DMD: variants seen among roughly 807,000 people sequenced by gnomAD.
DMD encodes dystrophin.
Under a neutral mutation model 330.1 loss-of-function variants are expected in DMD, and 63 were observed. The observed-to-expected ratio is 0.19, with a 90% CI of 0.16 to 0.24. The LOEUF is 0.24. Ranked by LOEUF, DMD falls within the 10% of genes least tolerant of loss-of-function variation. The probability of loss-of-function intolerance (pLI) is 1.00; values close to 1 mark genes in which losing one functional copy is unlikely to be tolerated. For missense variants in DMD, 3,344 were observed against 2,684.1 expected (o/e 1.25, Z -5.43); for synonymous variants, 1,223 against 959.8 (o/e 1.27, Z -5.07).
intron 1 of DMD, among the ~76,000 whole-genome samples, chrX:33,167,732 CT>C (rs1569557146): frequency 3.6e-5 from 4 of 110,554 alleles, no homozygotes; most frequent in Non-Finnish European, 7.6e-5. Flanking sequence ...AATATCATGT[CT>C]AGTAAGAGCA....
At chrX:32,607,992 T>G (rs888146304) in intron 12 of DMD, among the ~76,000 whole-genome samples, 1 of 109,410 alleles carries the variant, frequency 9.1e-6, no homozygotes, top group African/African-American at 3.3e-5. Context: ...AGTAATGAAG[T>G]ATAATAACTA....
chrX:32,336,687 G>A (rs1031252982), intron 41 of DMD, among the ~76,000 whole-genome samples: 2 of 111,743 alleles, frequency 1.8e-5, no homozygotes, highest in East Asian at 5.6e-4. Flanking sequence ...TACATAACCA[G>A]ATTATACATC....
chrX:32,294,761 C>T (rs988980987), intron 42 of DMD, among the ~76,000 whole-genome samples: 2 of 111,106 alleles, frequency 1.8e-5, no homozygotes, highest in Admixed American at 9.6e-5. Flanking sequence ...TGCACATATT[C>T]GTGTCCTCAA....
intron 74 of DMD, among the ~76,000 whole-genome samples, chrX:31,153,649 T>C (rs377076003): frequency 1.8e-5 from 2 of 112,309 alleles, no homozygotes; most frequent in East Asian, 5.6e-4. Flanking sequence ...CCAGGACACA[T>C]TGATTTTGTA....
chrX:31,226,366 A>C (rs1248446341), intron 63 of DMD, among the ~76,000 whole-genome samples: 1 of 112,325 alleles, frequency 8.9e-6, no homozygotes, highest in Non-Finnish European at 1.9e-5. Context: ...TAACTACTAT[A>C]GTCAACTACA....
At chrX:31,239,015 T>C (rs1357242746) in intron 63 of DMD, among the ~76,000 whole-genome samples, 2 of 112,373 alleles carry the variant, frequency 1.8e-5, no homozygotes, top group African/African-American at 6.5e-5. Context: ...CAAAAGTTTT[T>C]TGCTCCCATA....
intron 44 of DMD, among the ~76,000 whole-genome samples, chrX:32,193,420 G>T (rs957248620): frequency 1.8e-5 from 2 of 111,674 alleles, no homozygotes; most frequent in African/African-American, 6.5e-5. Flanking sequence ...GGGATTGGAC[G>T]TTCATTCTAA....
chrX:32,801,103 A>G (rs781115620), intron 7 of DMD, among the ~76,000 whole-genome samples: 81 of 111,530 alleles, frequency 7.3e-4, no homozygotes, highest in Non-Finnish European at 1.3e-3. Context: ...CAATCACCAC[A>G]CTGTCTTCCA....
intron 50 of DMD, among the ~76,000 whole-genome samples, chrX:31,796,653 T>C (rs2091845904): frequency 8.9e-6 from 1 of 111,799 alleles, no homozygotes; most frequent in Non-Finnish European, 1.9e-5. Context: ...GTAAAATTAT[T>C]TGAATTAAGA....
At position 31,496,869 on chromosome X, in the gene DMD, C is replaced by T; in HGVS notation, c.8466G>A (p.Gln2822=). 8.3e-7 allele frequency: 1 copy of T among 1,211,660 alleles called. No individual in the cohort carries two copies. Among genetic ancestry groups the T allele is most frequent in the Non-Finnish European group, 1.1e-6 (1 of 895,407 alleles). Reference sequence around the variant, plus strand: ...GCCGGCTTAATTCATCATCTTTCAGCTGTAGCCACACCAGAAGTTCCTGCA... The same window carrying T: ...GCCGGCTTAATTCATCATCTTTCAGTTGTAGCCACACCAGAAGTTCCTGCA... The part of the protein sequence containing the change: ...LSLQELLVWL[Q]LKDDELSRQA... The change falls in exon 57 of 79, where the codon CAG becomes CAA. Residue 2822 remains glutamine, a synonymous_variant. Coordinates refer to ENST00000357033, the MANE Select transcript of DMD (RefSeq NM_004006.3).
At chrX:32,069,585 T>C (rs2096282133) in intron 44 of DMD, among the ~76,000 whole-genome samples, 1 of 112,093 alleles carries the variant, frequency 8.9e-6, no homozygotes, top group East Asian at 2.8e-4. Context: ...TTGATCTTTT[T>C]TCATTTGAAG....
At chrX:31,236,785 C>A (rs1313053836) in intron 63 of DMD, among the ~76,000 whole-genome samples, 2 of 112,049 alleles carry the variant, frequency 1.8e-5, no homozygotes, top group African/African-American at 6.5e-5. Flanking sequence ...ATGTTCATAA[C>A]TTCATCTCTA....
chrX:32,147,886 T>C (rs2096785539), intron 44 of DMD, among the ~76,000 whole-genome samples: 1 of 103,829 alleles, frequency 9.6e-6, no homozygotes, highest in African/African-American at 3.5e-5. Context: ...TCTTTTTTTT[T>C]TTTTTTTTTG....
At chrX:33,055,075 T>A (rs890107921) in intron 1 of DMD, among the ~76,000 whole-genome samples, 1 of 111,874 alleles carries the variant, frequency 8.9e-6, no homozygotes, top group Admixed American at 9.6e-5. Context: ...ATATGTTGAT[T>A]GAGCATTAAG....
intron 2 of DMD, among the ~76,000 whole-genome samples, chrX:32,890,057 A>G (rs1273246991): frequency 8.9e-6 from 1 of 111,903 alleles, no homozygotes; most frequent in Non-Finnish European, 1.9e-5. Flanking sequence ...CTGCCACTGC[A>G]TGTAGATCCT....
At chrX:33,191,215 C>T (rs2050624111) in intron 1 of DMD, among the ~76,000 whole-genome samples, 2 of 104,381 alleles carry the variant, frequency 1.9e-5, no homozygotes, top group African/African-American at 6.9e-5. Flanking sequence ...AACTGCAACC[C>T]TCTTACACCT....
chrX:32,185,501 A>G (rs995801727), intron 44 of DMD, among the ~76,000 whole-genome samples: 2 of 111,657 alleles, frequency 1.8e-5, no homozygotes, highest in Admixed American at 1.9e-4. Context: ...AAACAGGAAA[A>G]GTCAAAGTTA....
At chrX:31,301,674 T>G (rs1169583061) in intron 62 of DMD, among the ~76,000 whole-genome samples, 2 of 112,461 alleles carry the variant, frequency 1.8e-5, no homozygotes, top group African/African-American at 6.5e-5. Context: ...TATCAGGCAC[T>G]GAGGAAATAC....
At chrX:33,228,469 T>C (rs980211313) in intron 1 of DMD, among the ~76,000 whole-genome samples, 4 of 110,077 alleles carry the variant, frequency 3.6e-5, no homozygotes, top group African/African-American at 9.9e-5. Context: ...AAAATCTCTA[T>C]ATTTAAAATA....
Sources: allele counts gnomAD v4.1 joint callset (sites outside exome capture counted in the v4.1 genomes callset), GRCh38; gene constraint gnomAD v4.1.1; transcripts MANE v1.5; gene names NCBI Gene and HGNC (gene_info 2026-07-23, HGNC 2026-07-21).